The following PDE8B variants were observed in gnomAD, a reference collection of about 807,000 sequenced individuals.
The protein encoded by PDE8B is high affinity cAMP-specific and IBMX-insensitive 3',5'-cyclic phosphodiesterase 8B.
In PDE8B, 26 loss-of-function variants were observed where a neutral mutation model predicts 101.3. The ratio of observed to expected loss-of-function variants is 0.26; its 90% CI spans 0.19 to 0.36. The LOEUF is 0.36. PDE8B is among the 10% of genes least tolerant of loss of function. PDE8B has a pLI of 1.00. For synonymous variants in PDE8B, 424 were observed against 429.3 expected, an observed-to-expected ratio of 0.99 and a Z score of 0.15; for missense variants, 810 against 1,163.1, an observed-to-expected ratio of 0.70 and a Z score of 4.42.
At chr5:77,295,316 C>T (rs1768281135) in intron 1 of PDE8B, among the ~76,000 whole-genome samples, 1 of 152,166 alleles carries the variant, frequency 6.6e-6, no homozygotes, top group East Asian at 1.9e-4. Flanking sequence ...GAGGAACCTT[C>T]TGACAATTAC....
chr5:77,423,496 T>C (rs181418609), intron 20 of PDE8B, among the ~76,000 whole-genome samples: 20 of 152,288 alleles, frequency 1.3e-4, no homozygotes, highest in Middle Eastern at 3.4e-3. Flanking sequence ...TGTATAAGCA[T>C]TCTTTTCTCC....
At chr5:77,139,055 G>A in the PDE8B span, among the ~76,000 whole-genome samples, 30 of 152,288 alleles carry the variant, frequency 2.0e-4, no homozygotes, top group African/African-American at 2.6e-4. Context: ...GAATCAAGTC[G>A]TTCCCAGTTA....
At position 77,413,158 on chromosome 5, in the gene PDE8B, G is replaced by A. The variant is rs1345385579; in HGVS notation, c.1760G>A (p.Cys587Tyr). ...GLKVFSRFGV[C>Y]EFLNCSETTL... ...AAGGTCTTCTCTCGGTTTGGAGTAT[G>A]TGAATTTTTAAACTGTTCTGAAACC... The change falls in exon 17 of 22, where the codon TGT (cysteine) becomes TAT (tyrosine). Residue 587 changes from cysteine to tyrosine, a missense_variant. Around this residue, in one of 4 missense-constraint regions of PDE8B, gnomAD observed 325 missense variants for 560.9 expected, o/e 0.58. Coordinates refer to ENST00000264917, the MANE Select transcript of PDE8B (RefSeq NM_003719.5). 1.2e-6 allele frequency: 2 copies of A among 1,614,064 alleles called. No homozygotes were observed. The highest frequency in any genetic ancestry group is 1.7e-6 in the Non-Finnish European group (2 of 1,179,970).
chr5:77,112,464 G>C, the PDE8B span: 1 of 151,974 alleles, frequency 6.6e-6, no homozygotes, highest in African/African-American at 2.4e-5. Context: ...GTCTGTCTGG[G>C]CACCTAGTTA....
At chr5:77,170,617 G>A in the PDE8B span, among the ~76,000 whole-genome samples, 34 of 152,078 alleles carry the variant, frequency 2.2e-4, no homozygotes, top group Non-Finnish European at 4.3e-4. Flanking sequence ...CTAAATCATC[G>A]TTATGAGTTT....
At chr5:77,344,536 AC>A (rs768129454) in intron 6 of PDE8B, among the ~76,000 whole-genome samples, 6 of 152,168 alleles carry the variant, frequency 3.9e-5, no homozygotes, top group Non-Finnish European at 2.9e-5. Flanking sequence ...CATAGATGGC[AC>A]CCTCTCTATG....
At chr5:77,140,668 A>T in the PDE8B span, 4 of 152,246 alleles carry the variant, frequency 2.6e-5, no homozygotes, top group Non-Finnish European at 4.4e-5. Flanking sequence ...ATTTGGGGGA[A>T]CTTATGTACA....
the PDE8B span, among the ~76,000 whole-genome samples, chr5:77,185,890 G>A: frequency 6.6e-6 from 1 of 152,210 alleles, no homozygotes; most frequent in Non-Finnish European, 1.5e-5. Flanking sequence ...AAACCTAGGG[G>A]TTAGGAGCAC....
chr5:77,216,841 G>A (rs1749851738), intron 1 of PDE8B, among the ~76,000 whole-genome samples: 2 of 152,174 alleles, frequency 1.3e-5, no homozygotes, highest in Admixed American at 6.5e-5. Flanking sequence ...GTTTTCCAGG[G>A]TGCTGAGCAG....
Position 77,222,825 on chromosome 5 carries a change from C to T in PDE8B, c.339+11561C>T, listed in dbSNP as rs191123787. 7.2e-5 allele frequency among the ~76,000 whole-genome samples: 11 copies of T among 152,268 alleles called. No individual in the cohort carries two copies. The East Asian group carries it at 1.2e-3, about 16-fold the overall frequency. ...AAAAGCCAAGGAGCAGACAACTGTACGGCCACAGGCAGGGGCCAGAGGCAG... is the reference window on the plus strand; with the variant it reads ...AAAAGCCAAGGAGCAGACAACTGTATGGCCACAGGCAGGGGCCAGAGGCAG... On this transcript the variant is annotated intron_variant, in intron 1 of 21. Coordinates refer to ENST00000264917, the MANE Select transcript of PDE8B (RefSeq NM_003719.5).
In PDE8B at chr5:77,373,252, A is replaced by G. The variant is rs144487736; in HGVS notation, c.1167+19846A>G. 7.6e-4 allele frequency among the ~76,000 whole-genome samples: 115 copies of G among 152,050 alleles called. 3 individuals carry two copies. In the East Asian group the frequency reaches 0.019, roughly 26 times the overall value. On this transcript the variant is annotated intron_variant, in intron 10 of 21. Transcript: ENST00000264917. ...ATTATTTCCTGCATCTCTTTTACTC[A>G]GCTTGGTTTAGTTTGCTCCTTTTTT...
At chr5:77,312,768 A>G (rs1328083079) in intron 2 of PDE8B, among the ~76,000 whole-genome samples, 2 of 152,238 alleles carry the variant, frequency 1.3e-5, no homozygotes, top group African/African-American at 4.8e-5. Context: ...AGTTACCATT[A>G]ATGATAGCAG....
At chr5:77,303,444 C>T (rs1392725592) in intron 1 of PDE8B, among the ~76,000 whole-genome samples, 2 of 152,040 alleles carry the variant, frequency 1.3e-5, no homozygotes, top group Non-Finnish European at 2.9e-5. Context: ...AAAAATTAGC[C>T]TGTAATCCCA....
chr5:77,381,825 AAATC>A (rs1787529570), intron 10 of PDE8B, among the ~76,000 whole-genome samples: 1 of 152,184 alleles, frequency 6.6e-6, no homozygotes, highest in South Asian at 2.1e-4. Flanking sequence ...AATTTAATAA[AAATC>A]AATGTTTTAA....
the PDE8B span, among the ~76,000 whole-genome samples, chr5:77,168,182 T>C: frequency 6.6e-6 from 1 of 152,360 alleles, no homozygotes; most frequent in Admixed American, 6.5e-5. Context: ...ATCTCCATCC[T>C]GCCCCTCTCC....
chr5:77,332,078 A>G (rs1476869447), intron 5 of PDE8B, among the ~76,000 whole-genome samples: 1 of 152,234 alleles, frequency 6.6e-6, no homozygotes, highest in Non-Finnish European at 1.5e-5. Context: ...GATTGGAGGC[A>G]AAGCTGTGTG....
At chr5:77,239,633 G>A (rs1021777428) in intron 1 of PDE8B, among the ~76,000 whole-genome samples, 3 of 152,150 alleles carry the variant, frequency 2.0e-5, no homozygotes, top group African/African-American at 7.2e-5. Flanking sequence ...TAACCTTTCT[G>A]AAATCGAAAT....
the PDE8B span, among the ~76,000 whole-genome samples, chr5:77,170,445 G>C: frequency 3.3e-5 from 5 of 152,296 alleles, no homozygotes; most frequent in African/African-American, 9.6e-5. Context: ...AGGAAAACTC[G>C]GGAGAGGGAG....
chr5:77,409,868 C>T (rs1420057733), intron 14 of PDE8B, among the ~76,000 whole-genome samples: 1 of 152,266 alleles, frequency 6.6e-6, no homozygotes, highest in African/African-American at 2.4e-5. Context: ...CCTTTCCCCT[C>T]CATTCTCCAC....
Sources: gnomAD v4.1 joint callset for allele counts (sites outside exome capture counted in the v4.1 genomes callset) on GRCh38, gnomAD v4.1.1 for gene constraint, gnomAD v4.1.1 regional missense constraint, MANE v1.5 for transcripts, NCBI Gene and HGNC (gene_info 2026-07-23, HGNC 2026-07-21) for gene names.